MRTFB: variants seen among roughly 807,000 people sequenced by gnomAD.
MRTFB encodes myocardin-related transcription factor B.
A neutral mutation model predicts 104.2 loss-of-function variants in MRTFB; 29 were observed. That is an observed-to-expected ratio of 0.28 (90% CI 0.21 to 0.38). The LOEUF is 0.38. Among genes scored for constraint, MRTFB ranks in the 10% least tolerant of loss-of-function variants. The pLI is 1.00. For missense variants in MRTFB, 1,270 were observed against 1,341.6 expected (o/e 0.95, Z 0.83); for synonymous variants, 535 against 519.5 (o/e 1.03, Z -0.41).
Position 14,245,802 on chromosome 16 carries a change from T to C in MRTFB, c.1212+142T>C, listed in dbSNP as rs191595543. 3,559 of 1,006,100 alleles carry C rather than the reference T, an allele frequency of 3.5e-3. 13 individuals carry two copies. The highest frequency in any genetic ancestry group is 4.5e-3 in the Non-Finnish European group (3,225 of 709,530). 62.3% of individuals were successfully genotyped at this position (1,006,100 alleles called of 1,614,324 possible). A position where few individuals can be genotyped will look rare whatever the true frequency, so the allele number is the denominator to read the frequency against. On this transcript the variant is annotated intron_variant, in intron 11 of 16. Transcript: ENST00000571589. Reference sequence around the variant, plus strand: ...ATATGATAATCTTTATAAAAGGTATTTTCTTTTTACTTCCACTAAGTTTTC... The same window carrying C: ...ATATGATAATCTTTATAAAAGGTATCTTCTTTTTACTTCCACTAAGTTTTC...
At position 14,234,215 on chromosome 16, in the gene MRTFB, C is replaced by A. The variant is rs148936000; in HGVS notation, c.763C>A (p.Arg255=). The part of the protein sequence containing the change: ...TPPTADQPPP[R]PAAPVLPTNT... ...TCCAACTGCAGATCAGCCTCCCCCACGGCCTGCAGCTCCTGTCCTCCCCAC... is the reference window on the plus strand; with the variant it reads ...TCCAACTGCAGATCAGCCTCCCCCAAGGCCTGCAGCTCCTGTCCTCCCCAC... The change falls in exon 9 of 17, where the codon CGG becomes AGG. Residue 255 remains arginine (R), a synonymous_variant. Coordinates refer to ENST00000571589, the MANE Select transcript of MRTFB (RefSeq NM_001308142.2). 1.4e-5 allele frequency: 22 copies of A among 1,614,190 alleles called. No homozygotes were observed. Among genetic ancestry groups the A allele is most frequent in the Non-Finnish European group, 1.8e-5 (21 of 1,180,018 alleles).
chr16:14,154,646 T>C (rs1334602964), intron 3 of MRTFB, among the ~76,000 whole-genome samples: 1 of 152,354 alleles, frequency 6.6e-6, no homozygotes, highest in Admixed American at 6.5e-5. Flanking sequence ...ATGTCTTAGC[T>C]GAGTACCTCT....
Position 14,246,682 on chromosome 16 carries a change from G to C in MRTFB, c.1422G>C (p.Val474=). ...ALPVTTLHNT[V]TSSVSTLKAE... is the part of the protein sequence containing the mutation. ...CGGTTACAACACTACACAACACTGT[G>C]ACTAGCTCAGTCTCTACTCTCAAGG... is the stretch of plus-strand genomic sequence containing the variant. Residue 474 remains valine (V), a synonymous_variant, in exon 12 of 17, where the codon GTG becomes GTC. Transcript: ENST00000571589. The C allele has an allele frequency of 6.2e-7, 1 of 1,614,142 alleles. No individual in the cohort carries two copies. Among genetic ancestry groups the C allele is most frequent in the Non-Finnish European group, 8.5e-7 (1 of 1,180,030 alleles).
the MRTFB span, among the ~76,000 whole-genome samples, chr16:14,063,051 C>T: frequency 1.3e-5 from 2 of 152,172 alleles, no homozygotes; most frequent in Admixed American, 6.5e-5. Context: ...CCGGGGTGCC[C>T]GGACTTACAA....
At chr16:14,057,382 G>T in the MRTFB span, among the ~76,000 whole-genome samples, 2 of 152,116 alleles carry the variant, frequency 1.3e-5, no homozygotes, top group Non-Finnish European at 2.9e-5. Flanking sequence ...CTTACCTCTT[G>T]TCTTTTAACC....
At chr16:14,223,792 C>T (rs1334809102) in intron 8 of MRTFB, among the ~76,000 whole-genome samples, 1 of 152,108 alleles carries the variant, frequency 6.6e-6, no homozygotes, top group Non-Finnish European at 1.5e-5. Context: ...GGGGCAAATA[C>T]AGTAATTAAA....
chr16:14,017,406 G>A, the MRTFB span, among the ~76,000 whole-genome samples: 12 of 151,388 alleles, frequency 7.9e-5, no homozygotes, highest in African/African-American at 2.9e-4. Flanking sequence ...ATGGCCTGCA[G>A]CAAAAACTGG....
At chr16:14,097,688 A>G (rs2035464526) in intron 2 of MRTFB, among the ~76,000 whole-genome samples, 1 of 152,220 alleles carries the variant, frequency 6.6e-6, no homozygotes, top group South Asian at 2.1e-4. Flanking sequence ...GAACATATCC[A>G]TCACCCCCCA....
At chr16:14,124,318 A>T (rs2037000254) in intron 2 of MRTFB, among the ~76,000 whole-genome samples, 1 of 152,166 alleles carries the variant, frequency 6.6e-6, no homozygotes, top group South Asian at 2.1e-4. Flanking sequence ...AGGAGTGGTG[A>T]GAGAGGGCAT....
chr16:14,245,632 C>A lies in MRTFB; in HGVS notation c.1184C>A (p.Pro395His). Residue 395 changes from proline to histidine, a missense_variant, in exon 11 of 17, where the codon CCT (proline) becomes CAT (histidine). Transcript: ENST00000571589. ...TCTACTCCTGTGAGAAAGCCAGGACCTCTGCCTTCTAGCCTGGATGACTTA... is the reference window on the plus strand; with the variant it reads ...TCTACTCCTGTGAGAAAGCCAGGACATCTGCCTTCTAGCCTGGATGACTTA... ...NTSTPVRKPG[P>H]LPSSLDDLKV... The A allele has an allele frequency of 6.2e-7, 1 of 1,613,874 alleles. No homozygotes were observed. Among genetic ancestry groups the A allele is most frequent in the East Asian group, 2.2e-5 (1 of 44,884 alleles).
At chr16:14,022,924 C>T in the MRTFB span, among the ~76,000 whole-genome samples, 664 of 151,798 alleles carry the variant, frequency 4.4e-3, 4 homozygotes, top group African/African-American at 0.015. Context: ...CTCAAACTCC[C>T]GACCTCAAGT....
At chr16:14,167,973 C>A (rs554150101) in intron 3 of MRTFB, among the ~76,000 whole-genome samples, 42 of 152,330 alleles carry the variant, frequency 2.8e-4, no homozygotes, top group African/African-American at 9.1e-4. Flanking sequence ...AGGCGTGAGC[C>A]ACCGCGCCCG....
chr16:14,135,498 A>G (rs1039990554), intron 2 of MRTFB, among the ~76,000 whole-genome samples: 2 of 152,244 alleles, frequency 1.3e-5, no homozygotes. Flanking sequence ...CCTGCAGCCT[A>G]GGAGTGTAGT....
At position 14,247,003 on chromosome 16, in the gene MRTFB, C is replaced by T. The variant is rs148779363; in HGVS notation, c.1743C>T (p.Ile581=). The change falls in exon 12 of 17, where the codon ATC becomes ATT. Residue 581 remains isoleucine, a synonymous_variant. Transcript: ENST00000571589. ...DRKLQEKEKQ[I]EELKRKLEQE... ...AGCTTCAGGAGAAAGAGAAGCAAATCGAAGAGCTGAAGAGGAAACTGGAAC... is the reference window on the plus strand; with the variant it reads ...AGCTTCAGGAGAAAGAGAAGCAAATTGAAGAGCTGAAGAGGAAACTGGAAC... 2.4e-4 allele frequency: 390 copies of T among 1,614,012 alleles called. No homozygotes were observed. The highest frequency in any genetic ancestry group is 2.9e-4 in the Non-Finnish European group (344 of 1,180,050).
At position 14,246,511 on chromosome 16, in the gene MRTFB, G is replaced by T. The variant is rs775503718; in HGVS notation, c.1251G>T (p.Leu417=). 2.5e-6 allele frequency: 4 copies of T among 1,614,066 alleles called. No individual in the cohort carries two copies. In the Admixed American group the frequency reaches 6.7e-5, roughly 27 times the overall value. Reference sequence around the variant, plus strand: ...AGACAGAACTGAAGTTAAGGGGTCTGCCAGTGTCAGGCACCAAACCGGACC... The same window carrying T: ...AGACAGAACTGAAGTTAAGGGGTCTTCCAGTGTCAGGCACCAAACCGGACC... ...ELKTELKLRG[L]PVSGTKPDLI... Residue 417 remains leucine, a synonymous_variant, in exon 12 of 17, where the codon CTG becomes CTT. Coordinates refer to ENST00000571589, the MANE Select transcript of MRTFB (RefSeq NM_001308142.2).
At chr16:14,059,175 A>G in the MRTFB span, among the ~76,000 whole-genome samples, 1 of 152,170 alleles carries the variant, frequency 6.6e-6, no homozygotes, top group Non-Finnish European at 1.5e-5. Context: ...TGATCAAATC[A>G]GGGTATTAAC....
the MRTFB span, among the ~76,000 whole-genome samples, chr16:14,035,522 T>C: frequency 6.6e-6 from 1 of 152,284 alleles, no homozygotes; most frequent in African/African-American, 2.4e-5. Flanking sequence ...ATATGAAAAC[T>C]AATAAGCTTA....
chr16:14,224,531 G>T (rs915564585), intron 8 of MRTFB, among the ~76,000 whole-genome samples: 1 of 152,130 alleles, frequency 6.6e-6, no homozygotes, highest in Non-Finnish European at 1.5e-5. Flanking sequence ...CCGCAGGAAC[G>T]CACATTATAA....
chr16:14,127,917 ATATATATATATATTTTT>A (rs1245774963), intron 2 of MRTFB, among the ~76,000 whole-genome samples: 3 of 51,092 alleles, frequency 5.9e-5, no homozygotes, highest in Non-Finnish European at 1.3e-4. Context: ...ATATATATAT[ATATATATATATATTTTT>A]TTTTTTTTTT....
Sources: gnomAD v4.1 joint callset for allele counts (sites outside exome capture counted in the v4.1 genomes callset) on GRCh38, gnomAD v4.1.1 for gene constraint, MANE v1.5 for transcripts, NCBI Gene and HGNC (gene_info 2026-07-23, HGNC 2026-07-21) for gene names.